Variants in USP34 observed in about 807,000 individuals in gnomAD.
The protein encoded by USP34 is ubiquitin specific peptidase 34.
In USP34, 70 loss-of-function variants were observed where a neutral mutation model predicts 460.3. The observed-to-expected ratio is 0.15, with a 90% confidence interval of 0.13 to 0.19. The LOEUF (loss-of-function observed/expected upper bound fraction) is 0.19, where lower values mean the gene tolerates loss of function less well. Ranked by LOEUF, USP34 falls within the 10% of genes least tolerant of loss-of-function variation. The pLI, the probability that USP34 is intolerant of heterozygous loss-of-function variation, is 1.00. For synonymous variants in USP34, 1,647 were observed against 1,405.3 expected (o/e 1.17, Z -3.85); for missense variants, 3,985 against 4,236.2 (o/e 0.94, Z 1.65).
chr2:61,402,112 TAATAA>T (rs1194409273), intron 3 of USP34, among the ~76,000 whole-genome samples: 35 of 151,564 alleles, frequency 2.3e-4, no homozygotes, highest in African/African-American at 8.2e-4. Context: ...AAAAAAGTAA[TAATAA>T]AATAAAAATA....
chr2:61,409,167 C>T (rs1422054649), intron 2 of USP34, among the ~76,000 whole-genome samples: 1 of 152,074 alleles, frequency 6.6e-6, no homozygotes, highest in African/African-American at 2.4e-5. Flanking sequence ...GTGCAGTCAG[C>T]CAAGATTGCA....
At chr2:61,299,588 A>C (rs1326156303) in intron 29 of USP34, among the ~76,000 whole-genome samples, 1 of 151,986 alleles carries the variant, frequency 6.6e-6, no homozygotes, top group East Asian at 1.9e-4. Context: ...CCATGTCTAC[A>C]AAATATTAAA....
At chr2:61,432,235 TG>T (rs1394658088) in intron 1 of USP34, among the ~76,000 whole-genome samples, 1 of 151,142 alleles carries the variant, frequency 6.6e-6, no homozygotes, top group Admixed American at 6.6e-5. Context: ...GCACTTTGAG[TG>T]GCCAAGGTGG....
At chr2:61,399,239 T>G (rs1045764803) in intron 3 of USP34, among the ~76,000 whole-genome samples, 2 of 151,854 alleles carry the variant, frequency 1.3e-5, no homozygotes, top group Non-Finnish European at 2.9e-5. Flanking sequence ...CTCAGGAGGT[T>G]TCAGCCTCCT....
At chr2:61,212,139 G>T (rs1247626046) in intron 68 of USP34, among the ~76,000 whole-genome samples, 3 of 152,222 alleles carry the variant, frequency 2.0e-5, no homozygotes, top group Non-Finnish European at 4.4e-5. Flanking sequence ...TTGGGAGGCA[G>T]AGGCGGGCAG....
intron 59 of USP34, 73 bp downstream of exon 59, chr2:61,229,475 A>AC (rs1687827515): frequency 4.4e-6 from 3 of 678,492 alleles, no homozygotes; most frequent in Non-Finnish European, 6.2e-6. Flanking sequence ...AAAAAAAAAA[A>AC]CAAAAAAAAA....
chr2:61,365,565 A>C (rs1197220472), intron 10 of USP34, among the ~76,000 whole-genome samples: 1 of 152,146 alleles, frequency 6.6e-6, no homozygotes, highest in African/African-American at 2.4e-5. Context: ...CTTCAGGAAA[A>C]AAAACCTACT....
At chr2:61,259,895 AAAGAAAAACACC>A in intron 43 of USP34, 119 bp from the exon 44 acceptor site, 1 of 772,030 alleles carries the variant, frequency 1.3e-6, no homozygotes, top group Non-Finnish European at 2.0e-6. Flanking sequence ...TGGCTATATA[AAAGAAAAACACC>A]AACACATTCA....
At chr2:61,387,012 C>T (rs1051099140) in intron 5 of USP34, among the ~76,000 whole-genome samples, 2 of 152,128 alleles carry the variant, frequency 1.3e-5, no homozygotes, top group African/African-American at 4.8e-5. Context: ...CCTAAAAAGA[C>T]GTCTATCTAA....
At chr2:61,238,649 C>T (rs1407113549) in intron 53 of USP34, among the ~76,000 whole-genome samples, 1 of 152,114 alleles carries the variant, frequency 6.6e-6, no homozygotes, top group African/African-American at 2.4e-5. Flanking sequence ...TTCATGTACA[C>T]AGTATTTTAC....
At chr2:61,292,818 A>T (rs544053224) in intron 33 of USP34, among the ~76,000 whole-genome samples, 2 of 152,282 alleles carry the variant, frequency 1.3e-5, no homozygotes, top group African/African-American at 4.8e-5. Context: ...AGATTTAAAT[A>T]TTCTATAAGC....
intron 53 of USP34, among the ~76,000 whole-genome samples, chr2:61,239,707 A>G (rs574375452): frequency 6.6e-6 from 1 of 152,294 alleles, no homozygotes; most frequent in Non-Finnish European, 1.5e-5. Flanking sequence ...CCATTAACAC[A>G]TGTGCAGGCA....
intron 3 of USP34, among the ~76,000 whole-genome samples, chr2:61,396,897 T>C (rs1693548117): frequency 6.6e-6 from 1 of 152,204 alleles, no homozygotes; most frequent in Admixed American, 6.5e-5. Context: ...GTAAATCTAC[T>C]GAAAATAAAC....
intron 16 of USP34, among the ~76,000 whole-genome samples, chr2:61,341,190 T>C (rs1691587981): frequency 6.6e-6 from 1 of 152,220 alleles, no homozygotes; most frequent in Non-Finnish European, 1.5e-5. Context: ...TTTCTACTGA[T>C]GAGCAAAATT....
intron 6 of USP34, among the ~76,000 whole-genome samples, chr2:61,382,492 C>CCATA (rs1258103633): frequency 8.5e-5 from 13 of 152,276 alleles, no homozygotes; most frequent in African/African-American, 3.1e-4. Flanking sequence ...CAGAAAGGCC[C>CCATA]CATACTCCCT....
At chr2:61,326,673 CA>C (rs147192888) in intron 20 of USP34, among the ~76,000 whole-genome samples, 137 of 151,848 alleles carry the variant, frequency 9.0e-4, no homozygotes, top group Middle Eastern at 3.4e-3. Context: ...TTTTACAGAT[CA>C]AAAGGCAGAC....
rs907254111 is a variant in USP34 at position 61,416,954 on chromosome 2, G to A, written c.131+3792C>T. 7 of 1,264,756 alleles carry A rather than the reference G, an allele frequency of 5.5e-6. 1 individual carries two copies. The highest frequency in any genetic ancestry group is 1.8e-5 in the Admixed American group (1 of 56,704). 78.3% of individuals were successfully genotyped at this position (1,264,756 alleles called of 1,614,324 possible). A position where few individuals can be genotyped will look rare whatever the true frequency, so the allele number is the denominator to read the frequency against. ...ACATACTTGACCCCACAGCCATCTG[G>A]GATGAGCCGCTTCTCAGCCACCATA... On this transcript the variant is annotated intron_variant, in intron 2 of 79. Transcript: ENST00000398571.
chr2:61,432,064 G>T (rs2463100), intron 1 of USP34, among the ~76,000 whole-genome samples: 2 of 151,706 alleles, frequency 1.3e-5, no homozygotes, highest in South Asian at 2.1e-4. Context: ...ACCATGGCCA[G>T]GGGTAGCAGC....
intron 26 of USP34, 42 bp from the exon 27 acceptor site, chr2:61,311,729 C>A (rs760730623): frequency 6.2e-7 from 1 of 1,608,690 alleles, no homozygotes; most frequent in East Asian, 2.2e-5. Flanking sequence ...ACAAAAAGAA[C>A]AGATATTTGA....
Sources: gnomAD v4.1 joint callset for allele counts (sites outside exome capture counted in the v4.1 genomes callset) on GRCh38, gnomAD v4.1.1 for gene constraint, MANE v1.5 for transcripts, NCBI Gene and HGNC (gene_info 2026-07-23, HGNC 2026-07-21) for gene names.